TMEM178A: variants seen among roughly 807,000 people sequenced by gnomAD.
TMEM178A encodes transmembrane protein 178.
TMEM178A carries 12 observed loss-of-function variants against 29.1 expected under a neutral mutation model. The ratio of observed to expected loss-of-function variants is 0.41; its 90% CI spans 0.26 to 0.67. TMEM178A has a LOEUF of 0.67. Among genes scored for constraint, TMEM178A ranks in the 30% least tolerant of loss-of-function variants. The pLI is 0.29. For synonymous variants in TMEM178A, 210 were observed against 187.2 expected (o/e 1.12, Z -0.99); for missense variants, 366 against 419.1 (o/e 0.87, Z 1.11).
At chr2:39,679,309 TCAAGGA>T (rs1230047895) in intron 1 of TMEM178A, among the ~76,000 whole-genome samples, 1 of 152,162 alleles carries the variant, frequency 6.6e-6, no homozygotes. Flanking sequence ...GTTGTTCAAT[TCAAGGA>T]CAGGAGAAGT....
chr2:39,724,299 T>A, the TMEM178A span, among the ~76,000 whole-genome samples: 1 of 151,702 alleles, frequency 6.6e-6, no homozygotes, highest in East Asian at 1.9e-4. Flanking sequence ...AAAAAGAGGC[T>A]ATCTAGCCTT....
Position 39,666,022 on chromosome 2 carries a change from G to A in TMEM178A, c.48G>A (p.Leu16=), listed in dbSNP as rs1182175120. ...LVTALSLGLS[L]CSLGLLVTAI... ...CGGCGCTCAGCCTCGGCCTCAGCCT[G>A]TGCTCCCTGGGGCTGCTCGTCACGG... Residue 16 remains leucine, a synonymous_variant, in exon 1 of 4, where the codon CTG becomes CTA. Transcript: ENST00000281961. 4 of 1,540,924 alleles carry A rather than the reference G, an allele frequency of 2.6e-6. No individual in the cohort carries two copies. In the Middle Eastern group the frequency reaches 5.9e-4, roughly 229 times the overall value.
intron 1 of TMEM178A, among the ~76,000 whole-genome samples, chr2:39,682,591 T>C (rs1207881388): frequency 6.6e-6 from 1 of 152,124 alleles, no homozygotes; most frequent in Admixed American, 6.5e-5. Context: ...CCAGGTGAGG[T>C]TTCAGGAGGT....
At chr2:39,695,535 C>T (rs1321122944) in intron 1 of TMEM178A, among the ~76,000 whole-genome samples, 2 of 151,158 alleles carry the variant, frequency 1.3e-5, no homozygotes, top group Admixed American at 6.6e-5. Flanking sequence ...GGCAGTGAGC[C>T]TGGAGGGATT....
At chr2:39,702,915 G>A (rs904039028) in intron 1 of TMEM178A, among the ~76,000 whole-genome samples, 1 of 152,078 alleles carries the variant, frequency 6.6e-6, no homozygotes, top group African/African-American at 2.4e-5. Flanking sequence ...CATTTTTAAC[G>A]AGCCACCTAG....
chr2:39,727,492 C>T, the TMEM178A span, among the ~76,000 whole-genome samples: 4 of 152,052 alleles, frequency 2.6e-5, no homozygotes, highest in Admixed American at 2.0e-4. Context: ...CTCTCTGAAC[C>T]GACACATTTA....
At position 39,717,303 on chromosome 2, in the gene TMEM178A, G is replaced by A. The variant is rs201625949; in HGVS notation, c.*52G>A. On this transcript the variant is annotated 3_prime_UTR_variant, in exon 4 of 4. Coordinates refer to ENST00000281961, the MANE Select transcript of TMEM178A (RefSeq NM_152390.3). ...GCGAGCGACTCCTGAGGGGAACAGCGCGGAGTTCAGGAGTCCAAGCACAAA... is the reference window on the plus strand; with the variant it reads ...GCGAGCGACTCCTGAGGGGAACAGCACGGAGTTCAGGAGTCCAAGCACAAA... The A allele has an allele frequency of 8.5e-4, 1,336 of 1,577,592 alleles. 15 individuals carry two copies. The South Asian group carries it at 0.013, about 16-fold the overall frequency.
Position 39,679,947 on chromosome 2 carries a change from C to T in TMEM178A, c.400+13573C>T, listed in dbSNP as rs376313568. On this transcript the variant is annotated intron_variant, in intron 1 of 3. Coordinates refer to ENST00000281961, the MANE Select transcript of TMEM178A (RefSeq NM_152390.3). ...ATGCTGAAAAAAGCCTGGAGAATCA[C>T]GTGGGGTGTGAGGGTGCTCTTCAGG... is the stretch of plus-strand genomic sequence containing the variant. Among the ~76,000 whole-genome samples the T allele has an allele frequency of 1.2e-4, 18 of 152,124 alleles. No homozygotes were observed. The East Asian group carries it at 3.1e-3, about 26-fold the overall frequency.
intron 1 of TMEM178A, among the ~76,000 whole-genome samples, chr2:39,676,761 C>T (rs972426031): frequency 1.3e-5 from 2 of 152,158 alleles, no homozygotes; most frequent in South Asian, 2.1e-4. Flanking sequence ...TGTGTTCAGG[C>T]GGCAGTCCCA....
chr2:39,696,787 T>C (rs1420333673), intron 1 of TMEM178A, among the ~76,000 whole-genome samples: 3 of 152,170 alleles, frequency 2.0e-5, no homozygotes, highest in African/African-American at 7.2e-5. Flanking sequence ...GGCAAAAAGC[T>C]CCATTTCTAA....
downstream of TMEM178A, among the ~76,000 whole-genome samples, chr2:39,720,561 A>G (rs1268994054): frequency 1.3e-5 from 2 of 152,120 alleles, no homozygotes; most frequent in Non-Finnish European, 2.9e-5. Context: ...CATTGCTTCA[A>G]ATCCTTTCCT....
chr2:39,670,625 G>A (rs941051791), intron 1 of TMEM178A, among the ~76,000 whole-genome samples: 3 of 152,180 alleles, frequency 2.0e-5, no homozygotes, highest in African/African-American at 7.2e-5. Flanking sequence ...TTCAACTACT[G>A]GATGAATAGG....
At chr2:39,703,390 A>G (rs1314434427) in intron 1 of TMEM178A, among the ~76,000 whole-genome samples, 1 of 152,160 alleles carries the variant, frequency 6.6e-6, no homozygotes, top group African/African-American at 2.4e-5. Context: ...GGAGGTGGAG[A>G]GTGTACTAGA....
intron 3 of TMEM178A, among the ~76,000 whole-genome samples, chr2:39,712,489 C>G (rs959884300): frequency 2.0e-5 from 3 of 152,142 alleles, no homozygotes; most frequent in African/African-American, 7.2e-5. Context: ...TCCCTTCTAG[C>G]CCTATAATTC....
chr2:39,672,104 A>G (rs1670430467), intron 1 of TMEM178A, among the ~76,000 whole-genome samples: 5 of 152,214 alleles, frequency 3.3e-5, no homozygotes, highest in Admixed American at 2.6e-4. Context: ...CCCAAGTGTG[A>G]TATTCAATGT....
chr2:39,696,539 A>C (rs978875813), intron 1 of TMEM178A, among the ~76,000 whole-genome samples: 1 of 152,184 alleles, frequency 6.6e-6, no homozygotes, highest in Non-Finnish European at 1.5e-5. Flanking sequence ...TTTACAGACG[A>C]GGGAACCAAG....
At chr2:39,683,837 A>C (rs1035742567) in intron 1 of TMEM178A, among the ~76,000 whole-genome samples, 6 of 152,172 alleles carry the variant, frequency 3.9e-5, no homozygotes, top group African/African-American at 1.4e-4. Flanking sequence ...CTTCTAGAAA[A>C]ATACTGACGT....
intron 1 of TMEM178A, among the ~76,000 whole-genome samples, chr2:39,691,601 A>G (rs553537796): frequency 3.9e-5 from 6 of 152,248 alleles, no homozygotes; most frequent in South Asian, 2.1e-4. Context: ...ATTAAAAATA[A>G]AACTACCATA....
chr2:39,676,654 G>A (rs1335942983), intron 1 of TMEM178A, among the ~76,000 whole-genome samples: 3 of 152,182 alleles, frequency 2.0e-5, no homozygotes, highest in African/African-American at 2.4e-5. Flanking sequence ...TCCCCAGGAA[G>A]CACTTGGCTG....
Sources: allele counts gnomAD v4.1 joint callset (sites outside exome capture counted in the v4.1 genomes callset), GRCh38; gene constraint gnomAD v4.1.1; transcripts MANE v1.5; gene names NCBI Gene and HGNC (gene_info 2026-07-23, HGNC 2026-07-21).